Variants in GRM5 observed in about 807,000 individuals in gnomAD.
GRM5 encodes glutamate metabotropic receptor 5, also known as metabotropic glutamate receptor 5.
Under a neutral mutation model 83.1 loss-of-function variants are expected in GRM5, and 19 were observed. The ratio of observed to expected loss-of-function variants is 0.23; its 90% CI spans 0.16 to 0.34. The LOEUF (loss-of-function observed/expected upper bound fraction) is 0.34, where lower values mean the gene tolerates loss of function less well. GRM5 is among the 10% of genes least tolerant of loss of function. The pLI is 1.00. For synonymous variants in GRM5, 675 were observed against 633.6 expected (o/e 1.07, Z -0.98); for missense variants, 1,160 against 1,588.3 (o/e 0.73, Z 4.58).
Position 88,509,042 on chromosome 11 carries a change from A to G in GRM5, c.3189T>C (p.Ser1063=). The G allele has an allele frequency of 6.4e-7, 1 of 1,561,396 alleles. No individual in the cohort carries two copies. The highest frequency in any genetic ancestry group is 8.7e-7 in the Non-Finnish European group (1 of 1,152,314). The change falls in exon 10 of 10, where the codon AGT becomes AGC. Residue 1063 remains serine (S), a synonymous_variant. Coordinates refer to ENST00000305447, the MANE Select transcript of GRM5 (RefSeq NM_001143831.3). ...SQGSLMEQIS[S]VVTRFTANIS... Reference sequence around the variant, plus strand: ...TGTTGGCCGTGAAGCGGGTGACCACACTGCTGATCTGCTCCATGAGGGAGC... The same window carrying G: ...TGTTGGCCGTGAAGCGGGTGACCACGCTGCTGATCTGCTCCATGAGGGAGC...
chr11:88,780,262 T>C (rs1408654490), intron 3 of GRM5, among the ~76,000 whole-genome samples: 1 of 152,218 alleles, frequency 6.6e-6, no homozygotes, highest in African/African-American at 2.4e-5. Flanking sequence ...TGCTTTTTTC[T>C]AATAAACAAT....
intron 1 of GRM5, chr11:89,063,484 CCT>C (rs1355121083): frequency 1.3e-5 from 2 of 152,606 alleles, no homozygotes; most frequent in African/African-American, 2.4e-5. Flanking sequence ...AGCTTACCCC[CCT>C]GTTGGCTGCG....
intron 3 of GRM5, among the ~76,000 whole-genome samples, chr11:88,691,088 G>C (rs547492544): frequency 6.6e-6 from 1 of 152,182 alleles, no homozygotes. Flanking sequence ...GGAAACTAAC[G>C]TTAAGCCCTT....
chr11:89,060,816 T>C (rs1941976878), intron 1 of GRM5, among the ~76,000 whole-genome samples: 1 of 152,178 alleles, frequency 6.6e-6, no homozygotes, highest in Admixed American at 6.5e-5. Context: ...TACAAATAAT[T>C]GAAAATTCAA....
chr11:89,022,601 G>A (rs112486030), intron 2 of GRM5, among the ~76,000 whole-genome samples: 4,257 of 152,140 alleles, frequency 0.028, 185 homozygotes, highest in African/African-American at 0.091. Context: ...GCAGTGAGCC[G>A]AGATCGTGCC....
intron 3 of GRM5, among the ~76,000 whole-genome samples, chr11:88,823,286 A>G (rs12287213): frequency 0.026 from 3,858 of 151,146 alleles, 170 homozygotes; most frequent in African/African-American, 0.089. Flanking sequence ...AATAATGTAA[A>G]TAATGTAAAA....
At chr11:88,921,025 G>T (rs911786609) in intron 2 of GRM5, among the ~76,000 whole-genome samples, 10 of 151,660 alleles carry the variant, frequency 6.6e-5, no homozygotes, top group Non-Finnish European at 2.9e-5. Flanking sequence ...AGAATCTATT[G>T]TACCCTCAGT....
At chr11:88,889,365 T>C (rs1945100922) in intron 2 of GRM5, among the ~76,000 whole-genome samples, 1 of 152,060 alleles carries the variant, frequency 6.6e-6, no homozygotes, top group Non-Finnish European at 1.5e-5. Context: ...TGAAAAAAAA[T>C]AGAGTTCTTT....
chr11:88,957,067 A>G (rs1444605518), intron 2 of GRM5, among the ~76,000 whole-genome samples: 1 of 152,238 alleles, frequency 6.6e-6, no homozygotes, highest in Non-Finnish European at 1.5e-5. Context: ...GAACAAGGAA[A>G]ATAGAATATA....
At chr11:88,511,527 G>A (rs577919509) in intron 9 of GRM5, among the ~76,000 whole-genome samples, 4 of 151,926 alleles carry the variant, frequency 2.6e-5, no homozygotes, top group African/African-American at 9.7e-5. Context: ...CCAATATATT[G>A]TAGTCTCATG....
intron 4 of GRM5, among the ~76,000 whole-genome samples, chr11:88,620,584 A>C (rs1350444856): frequency 1.3e-5 from 2 of 152,240 alleles, no homozygotes; most frequent in East Asian, 3.8e-4. Flanking sequence ...TTGGGAACAT[A>C]GATCAAGTTT....
At chr11:88,535,761 T>C (rs1413246813) in intron 8 of GRM5, among the ~76,000 whole-genome samples, 1 of 152,216 alleles carries the variant, frequency 6.6e-6, no homozygotes, top group Non-Finnish European at 1.5e-5. Context: ...TGTGTCTCTC[T>C]GTGTGTGTAC....
chr11:88,516,856 C>T (rs1941534111), intron 9 of GRM5, among the ~76,000 whole-genome samples: 1 of 152,008 alleles, frequency 6.6e-6, no homozygotes, highest in Non-Finnish European at 1.5e-5. Flanking sequence ...CTACCATGGA[C>T]ACCATTATTT....
At chr11:88,767,291 G>A (rs1263765408) in intron 3 of GRM5, among the ~76,000 whole-genome samples, 1 of 152,026 alleles carries the variant, frequency 6.6e-6, no homozygotes, top group Middle Eastern at 3.4e-3. Flanking sequence ...AACTAAAACA[G>A]AATTGCTATT....
At chr11:88,985,902 T>G (rs1357718973) in intron 2 of GRM5, among the ~76,000 whole-genome samples, 2 of 152,178 alleles carry the variant, frequency 1.3e-5, no homozygotes, top group Non-Finnish European at 2.9e-5. Context: ...ATTTATATAT[T>G]GCTGATAGTA....
At chr11:88,595,894 G>A (rs963591131) in intron 6 of GRM5, among the ~76,000 whole-genome samples, 3 of 151,990 alleles carry the variant, frequency 2.0e-5, no homozygotes, top group Admixed American at 6.5e-5. Flanking sequence ...TTCTTGGTCC[G>A]TATTTATTTT....
Position 88,847,580 on chromosome 11 carries a change from C to T in GRM5, c.911+2326G>A, listed in dbSNP as rs539899126. Among the ~76,000 whole-genome samples, 24 of 151,970 alleles carry T rather than the reference C, an allele frequency of 1.6e-4. 1 individual carries two copies. The highest frequency in any genetic ancestry group is 3.4e-3 in the Middle Eastern group (1 of 294). On this transcript the variant is annotated intron_variant, in intron 3 of 9. Coordinates refer to ENST00000305447, the MANE Select transcript of GRM5 (RefSeq NM_001143831.3). Reference sequence around the variant, plus strand: ...TTCCCAAATATTTGAAAGAGCATCACGTTACTTTTAAAGAAAAAAAAACAT... The same window carrying T: ...TTCCCAAATATTTGAAAGAGCATCATGTTACTTTTAAAGAAAAAAAAACAT...
intron 2 of GRM5, among the ~76,000 whole-genome samples, chr11:88,981,226 G>C (rs1221397520): frequency 6.6e-6 from 1 of 152,082 alleles, no homozygotes; most frequent in African/African-American, 2.4e-5. Flanking sequence ...ATTTTAGATA[G>C]GCCACTGCAT....
chr11:88,743,697 C>A (rs1309537001), intron 3 of GRM5, among the ~76,000 whole-genome samples: 1 of 152,052 alleles, frequency 6.6e-6, no homozygotes, highest in Non-Finnish European at 1.5e-5. Context: ...TATCAGTGAA[C>A]CAAACAGCCT....
Sources: allele counts gnomAD v4.1 joint callset (sites outside exome capture counted in the v4.1 genomes callset), GRCh38; gene constraint gnomAD v4.1.1; transcripts MANE v1.5; gene names NCBI Gene and HGNC (gene_info 2026-07-23, HGNC 2026-07-21).